Variants in CDK12 observed in about 807,000 individuals in gnomAD.
The protein encoded by CDK12 is cyclin dependent kinase 12.
A neutral mutation model predicts 133.8 loss-of-function variants in CDK12; 17 were observed. The ratio of observed to expected loss-of-function variants is 0.13; its 90% CI spans 0.09 to 0.19. The LOEUF (loss-of-function observed/expected upper bound fraction) is 0.19, where lower values mean the gene tolerates loss of function less well. Among genes scored for constraint, CDK12 ranks in the 10% least tolerant of loss-of-function variants. The probability of loss-of-function intolerance (pLI) is 1.00; values close to 1 mark genes in which losing one functional copy is unlikely to be tolerated. For missense variants in CDK12, 1,508 were observed against 1,818.7 expected (o/e 0.83, Z 3.11); for synonymous variants, 694 against 683.6 (o/e 1.02, Z -0.24).
At chr17:39,515,641 C>A in intron 8 of CDK12, 90 bp from the exon 9 acceptor site, 2 of 745,986 alleles carry the variant, frequency 2.7e-6, no homozygotes, top group Non-Finnish European at 4.5e-6. Context: ...TGGTTGCAAT[C>A]CGACATATCA....
At chr17:39,475,166 A>C (rs1225364335) in intron 2 of CDK12, among the ~76,000 whole-genome samples, 2 of 151,908 alleles carry the variant, frequency 1.3e-5, no homozygotes, top group Non-Finnish European at 2.9e-5. Context: ...AATTCCATAT[A>C]CTCTTTCTAA....
chr17:39,474,759 A>G lies in CDK12; in HGVS notation c.1931+2996A>G, dbSNP rs553992332. Among the ~76,000 whole-genome samples, 24 of 149,614 alleles carry G rather than the reference A, an allele frequency of 1.6e-4. No homozygotes were observed. The East Asian group carries it at 1.8e-3, about 11-fold the overall frequency. On this transcript the variant is annotated intron_variant, in intron 2 of 13. Coordinates refer to ENST00000447079, the MANE Select transcript of CDK12 (RefSeq NM_016507.4). ...TATTTTAAGGAATGGCTCCATCACT[A>G]TAGAAAGAAATATGATGTTTCCTTT... is the stretch of plus-strand genomic sequence containing the variant.
chr17:39,517,582 C>T (rs753978132), intron 10 of CDK12, 26 bp downstream of exon 10: 11 of 1,370,640 alleles, frequency 8.0e-6, no homozygotes, highest in African/African-American at 5.7e-5. Context: ...ATGAACATCT[C>T]GTTTCTGTGT....
At chr17:39,495,244 A>T (rs1399133639) in intron 5 of CDK12, among the ~76,000 whole-genome samples, 1 of 148,646 alleles carries the variant, frequency 6.7e-6, no homozygotes, top group Non-Finnish European at 1.5e-5. Context: ...TTCCGGGCTT[A>T]TTTTTGTATA....
Position 39,530,841 on chromosome 17 carries a change from G to T in CDK12, c.3998G>T (p.Arg1333Leu). 6.2e-7 allele frequency: 1 copy of T among 1,614,164 alleles called. No homozygotes were observed. Among genetic ancestry groups the T allele is most frequent in the Non-Finnish European group, 8.5e-7 (1 of 1,180,034 alleles). ...LRPMEYSTRP[R>L]PNRTYGNTDG... is the part of the protein sequence containing the mutation. The stretch of plus-strand genomic sequence containing the variant: ...CCAATGGAGTACTCCACCCGACCCC[G>T]TCCAAACAGGACTTATGGAAACACT... The change falls in exon 14 of 14, where the codon CGT becomes CTT. Residue 1333 changes from arginine (R) to leucine (L), a missense_variant. By Grantham distance (102) the Arg-to-Leu change is moderately radical. This residue lies in a region of CDK12 where 399 missense variants were observed against 469.6 expected (regional missense o/e 0.85). Transcript: ENST00000447079.
At chr17:39,530,107 T>G (rs1226246173) in intron 13 of CDK12, 2 of 153,696 alleles carry the variant, frequency 1.3e-5, no homozygotes, top group Non-Finnish European at 2.9e-5. Flanking sequence ...TTCTTTAAGT[T>G]TTATTTCAGG....
At chr17:39,466,102 G>C (rs1286047817) in intron 1 of CDK12, among the ~76,000 whole-genome samples, 2 of 151,990 alleles carry the variant, frequency 1.3e-5, no homozygotes, top group Non-Finnish European at 2.9e-5. Flanking sequence ...GAGGTCAGGA[G>C]TTTGAGACCA....
intron 12 of CDK12, among the ~76,000 whole-genome samples, chr17:39,525,456 C>T (rs1040785579): frequency 6.6e-6 from 1 of 152,174 alleles, no homozygotes; most frequent in African/African-American, 2.4e-5. Flanking sequence ...TTAATACTGG[C>T]TGTATATTAG....
chr17:39,483,506 C>T (rs1414436287), intron 2 of CDK12, among the ~76,000 whole-genome samples: 1 of 152,002 alleles, frequency 6.6e-6, no homozygotes, highest in Non-Finnish European at 1.5e-5. Context: ...ACAAGGAATA[C>T]ACCTTCCTTG....
chr17:39,510,198 C>G (rs1209915607), intron 7 of CDK12, among the ~76,000 whole-genome samples: 1 of 149,068 alleles, frequency 6.7e-6, no homozygotes, highest in African/African-American at 2.5e-5. Context: ...CGGCTCACTG[C>G]AACCTCCGCC....
At chr17:39,464,685 A>T (rs1042923739) in intron 1 of CDK12, among the ~76,000 whole-genome samples, 1 of 152,048 alleles carries the variant, frequency 6.6e-6, no homozygotes, top group African/African-American at 2.4e-5. Context: ...ATTTTCCAGC[A>T]CAGAAAGGTT....
chr17:39,556,778 G>A (rs191081203), intron 3 of CDK12: 135 of 152,384 alleles, frequency 8.9e-4, no homozygotes, highest in African/African-American at 3.0e-3. Context: ...GTGAGCAGCA[G>A]GCATGCTTGG....
chr17:39,473,652 A>ACCC (rs2049968045), intron 2 of CDK12, among the ~76,000 whole-genome samples: 1 of 152,130 alleles, frequency 6.6e-6, no homozygotes, highest in Admixed American at 6.6e-5. Flanking sequence ...GCACTTTGGG[A>ACCC]GGCCAAGGCG....
In CDK12 at chr17:39,478,332, C is replaced by T. The variant is rs372508746; in HGVS notation, c.1931+6569C>T. ...TCAGCCTCCCCAGTAGCTGGGACTA[C>T]AGGCGCATGCCACCATATCCGGATA... On this transcript the variant is annotated intron_variant, in intron 2 of 13. Transcript: ENST00000447079. 8.0e-4 allele frequency among the ~76,000 whole-genome samples: 121 copies of T among 152,106 alleles called. 1 individual carries two copies. Among genetic ancestry groups the T allele is most frequent in the African/African-American group, 2.8e-3 (118 of 41,526 alleles).
chr17:39,532,631 G>A lies in CDK12; in HGVS notation c.*1315G>A, dbSNP rs911083120. ...TAATTTTAAAACAGCATACTGTGAGGAAGAACAGTATTGACATACCCACAT... is the reference window on the plus strand; with the variant it reads ...TAATTTTAAAACAGCATACTGTGAGAAAGAACAGTATTGACATACCCACAT... On this transcript the variant is annotated 3_prime_UTR_variant, in exon 14 of 14. Transcript: ENST00000447079. 1.3e-5 allele frequency: 3 copies of A among 232,436 alleles called. No homozygotes were observed. Among genetic ancestry groups the A allele is most frequent in the Admixed American group, 5.6e-5 (1 of 17,752 alleles). 14.4% of individuals were successfully genotyped at this position (232,436 alleles called of 1,614,324 possible).
intron 6 of CDK12, among the ~76,000 whole-genome samples, chr17:39,506,252 T>G (rs1009492335): frequency 6.8e-6 from 1 of 146,294 alleles, no homozygotes; most frequent in Non-Finnish European, 1.5e-5. Context: ...AGTCTCACTC[T>G]GTCACCAGGC....
chr17:39,474,977 A>AGCATGTGCCACCAT (rs1170542844), intron 2 of CDK12, among the ~76,000 whole-genome samples: 1 of 151,650 alleles, frequency 6.6e-6, no homozygotes, highest in Non-Finnish European at 1.5e-5. Context: ...TGAGATTACA[A>AGCATGTGCCACCAT]GCATGTGCCA....
upstream of CDK12, among the ~76,000 whole-genome samples, chr17:39,548,563 GAGTT>G (rs1262684777): frequency 6.6e-6 from 1 of 152,238 alleles, no homozygotes; most frequent in African/African-American, 2.4e-5. Flanking sequence ...AAGCCTGGGA[GAGTT>G]AGTCTCCCCG....
At chr17:39,537,503 G>A (rs1448832824), downstream of CDK12, among the ~76,000 whole-genome samples, 1 of 151,926 alleles carries the variant, frequency 6.6e-6, no homozygotes, top group Non-Finnish European at 1.5e-5. Context: ...GAAGAGTCTG[G>A]TAGCTGGGCT....
Sources: allele counts gnomAD v4.1 joint callset (sites outside exome capture counted in the v4.1 genomes callset), GRCh38; gene constraint gnomAD v4.1.1; regional missense constraint gnomAD v4.1.1; transcripts MANE v1.5; gene names NCBI Gene and HGNC (gene_info 2026-07-23, HGNC 2026-07-21).